KCTD5: variants seen among roughly 807,000 people sequenced by gnomAD.
KCTD5 encodes potassium channel tetramerization domain containing 5, also known as BTB/POZ domain-containing protein KCTD5.
A neutral mutation model predicts 27.9 loss-of-function variants in KCTD5; 12 were observed. The observed-to-expected ratio is 0.43, with a 90% confidence interval of 0.28 to 0.70. The LOEUF (loss-of-function observed/expected upper bound fraction) is 0.70, where lower values mean the gene tolerates loss of function less well. KCTD5 is among the 30% of genes least tolerant of loss of function. KCTD5 has a pLI of 0.19. For missense variants in KCTD5, 226 were observed against 274.8 expected (o/e 0.82, Z 1.26); for synonymous variants, 147 against 121.4 (o/e 1.21, Z -1.39).
At chr16:2,693,540 G>A (rs565808567) in intron 1 of KCTD5, among the ~76,000 whole-genome samples, 24 of 152,320 alleles carry the variant, frequency 1.6e-4, no homozygotes, top group South Asian at 1.2e-3. Context: ...GTGCCCTGCC[G>A]GCTCCTTGGA....
intron 1 of KCTD5, among the ~76,000 whole-genome samples, chr16:2,690,418 C>G (rs2067561020): frequency 6.6e-6 from 1 of 152,248 alleles, no homozygotes; most frequent in Non-Finnish European, 1.5e-5. Flanking sequence ...TGGGCCCACT[C>G]AATGCCAGCT....
At chr16:2,706,272 G>C (rs540466129) in intron 5 of KCTD5, among the ~76,000 whole-genome samples, 1 of 152,202 alleles carries the variant, frequency 6.6e-6, no homozygotes, top group Admixed American at 6.5e-5. Context: ...GCCTGGGGTG[G>C]CATGCACCTC....
chr16:2,708,143 AGTGCCTTGTCACGCCTGGC>A lies in KCTD5; in HGVS notation c.*817_*835del. On this transcript the variant is annotated 3_prime_UTR_variant, in exon 6 of 6. Transcript: ENST00000301738. ...GGCTCACGGGGAGCTGGCGTCTGTC[AGTGCCTTGTCACGCCTGGC>A]ATAGAGGTTGGGCTGGAGGCCTGTC... The A allele has an allele frequency of 2.0e-5, 3 of 152,712 alleles. No homozygotes were observed. Among genetic ancestry groups the A allele is most frequent in the Non-Finnish European group, 4.4e-5 (3 of 68,096 alleles). 9.5% of individuals were successfully genotyped at this position (152,712 alleles called of 1,614,324 possible). A position where few individuals can be genotyped will look rare whatever the true frequency, so the allele number is the denominator to read the frequency against.
chr16:2,682,641 G>T lies in KCTD5; in HGVS notation c.93G>T (p.Gly31=). Residue 31 remains glycine, a synonymous_variant, in exon 1 of 6, where the codon GGG becomes GGT. Transcript: ENST00000301738. ...GCCTGTGCCGCCGCTGCAGCGCTGG[G>T]CTCGGCGCCCTGGCCCAGCGCCCTG... ...GGGLCRRCSA[G]LGALAQRPGS... is the part of the protein sequence containing the mutation. 6.3e-7 allele frequency: 1 copy of T among 1,588,682 alleles called. No individual in the cohort carries two copies. Among genetic ancestry groups the T allele is most frequent in the Middle Eastern group, 1.7e-4 (1 of 5,930 alleles).
At chr16:2,699,535 G>A (rs1290631017) in intron 3 of KCTD5, among the ~76,000 whole-genome samples, 2 of 152,230 alleles carry the variant, frequency 1.3e-5, no homozygotes, top group South Asian at 2.1e-4. Context: ...CTCTCGTGTC[G>A]TCATGTCGAG....
intron 1 of KCTD5, chr16:2,683,542 TC>T (rs1309197266): frequency 1.3e-5 from 2 of 151,174 alleles, no homozygotes; most frequent in Non-Finnish European, 2.9e-5. Flanking sequence ...TTGCAGCTTG[TC>T]TTTCATCAAG....
intron 1 of KCTD5, among the ~76,000 whole-genome samples, chr16:2,689,527 G>A (rs1462297155): frequency 3.9e-5 from 5 of 129,802 alleles, no homozygotes; most frequent in Admixed American, 3.2e-4. Flanking sequence ...ACGTGTCTCC[G>A]AGCACCGGGA....
intron 4 of KCTD5, 33 bp downstream of exon 4, chr16:2,699,949 T>G (rs2067603825): frequency 5.1e-6 from 8 of 1,577,992 alleles, no homozygotes; most frequent in Non-Finnish European, 6.1e-6. Flanking sequence ...GTGGCAGCCA[T>G]GCTGCAGCTG....
Position 2,707,561 on chromosome 16 carries a change from G to A in KCTD5, c.*234G>A, listed in dbSNP as rs1043232652. ...GGCGGCCGGGTGGGCGCTGCCTCTT[G>A]GGGGGGCCTCGCTCTGTTTTTTCCA... is the stretch of plus-strand genomic sequence containing the variant. On this transcript the variant is annotated 3_prime_UTR_variant, in exon 6 of 6. Coordinates refer to ENST00000301738, the MANE Select transcript of KCTD5 (RefSeq NM_018992.4). 1 of 635,634 alleles carries A rather than the reference G, an allele frequency of 1.6e-6. No individual in the cohort carries two copies. Among genetic ancestry groups the A allele is most frequent in the Non-Finnish European group, 2.8e-6 (1 of 353,716 alleles). The allele number at this position is 635,634 out of a possible 1,614,324, so 39.4% of individuals were successfully genotyped here.
chr16:2,691,964 C>T (rs895929642), intron 1 of KCTD5, among the ~76,000 whole-genome samples: 5 of 152,202 alleles, frequency 3.3e-5, no homozygotes, highest in African/African-American at 1.2e-4. Context: ...AGGAAGGTTC[C>T]TGGGGCGTGC....
At chr16:2,698,924 A>G (rs538331235) in intron 3 of KCTD5, among the ~76,000 whole-genome samples, 22 of 152,184 alleles carry the variant, frequency 1.4e-4, no homozygotes, top group African/African-American at 4.8e-4. Flanking sequence ...GCCTCAGTCT[A>G]CCTACCTGTA....
rs756215690 is a variant in KCTD5 at position 2,682,618 on chromosome 16, C to T, written c.70C>T (p.Leu24=). 6.5e-7 allele frequency: 1 copy of T among 1,548,192 alleles called. No individual in the cohort carries two copies. Among genetic ancestry groups the T allele is most frequent in the Non-Finnish European group, 8.7e-7 (1 of 1,152,248 alleles). The change falls in exon 1 of 6, where the codon CTG becomes TTG. Residue 24 remains leucine (L), a synonymous_variant. Transcript: ENST00000301738. ...CATCGGGGCGGGGCTGGGGGGCGGC[C>T]TGTGCCGCCGCTGCAGCGCTGGGCT... ...GGIGAGLGGG[L]CRRCSAGLGA...
At chr16:2,701,468 G>A (rs1167531685) in intron 4 of KCTD5, among the ~76,000 whole-genome samples, 2 of 152,196 alleles carry the variant, frequency 1.3e-5, no homozygotes, top group Non-Finnish European at 2.9e-5. Flanking sequence ...GCTCCGGGGG[G>A]CATGGCCGTG....
At chr16:2,700,075 T>C (rs2067604243) in intron 4 of KCTD5, among the ~76,000 whole-genome samples, 159 bp downstream of exon 4, 1 of 152,230 alleles carries the variant, frequency 6.6e-6, no homozygotes. Flanking sequence ...CTGTTTCCAC[T>C]GGAGGAGCCT....
chr16:2,708,549 G>C lies in KCTD5; in HGVS notation c.*1222G>C, dbSNP rs1220577780. On this transcript the variant is annotated 3_prime_UTR_variant, in exon 6 of 6. Transcript: ENST00000301738. ...TGTGCAGACTGACCACCGGCCTCCC[G>C]CCTGCAGGTCAGAGGCTCTGACACT... The C allele has an allele frequency of 6.6e-6, 1 of 152,284 alleles. No homozygotes were observed. Among genetic ancestry groups the C allele is most frequent in the Non-Finnish European group, 1.5e-5 (1 of 68,064 alleles). 9.4% of individuals were successfully genotyped at this position (152,284 alleles called of 1,614,324 possible). A position where few individuals can be genotyped will look rare whatever the true frequency, so the allele number is the denominator to read the frequency against.
chr16:2,693,880 G>A (rs2067577906), intron 1 of KCTD5, among the ~76,000 whole-genome samples: 1 of 148,482 alleles, frequency 6.7e-6, no homozygotes, highest in Non-Finnish European at 1.5e-5. Flanking sequence ...GCCTGGCTGT[G>A]AGCCTGCAGT....
chr16:2,687,074 G>T (rs2067542621), intron 1 of KCTD5, among the ~76,000 whole-genome samples: 1 of 152,198 alleles, frequency 6.6e-6, no homozygotes, highest in South Asian at 2.1e-4. Flanking sequence ...GGTCCCTGCG[G>T]TGCTGGGGGC....
chr16:2,698,242 C>T (rs188468097), intron 3 of KCTD5, among the ~76,000 whole-genome samples: 2 of 152,306 alleles, frequency 1.3e-5, no homozygotes, highest in African/African-American at 4.8e-5. Flanking sequence ...AAGGATGGCT[C>T]TGAGGAAGTT....
chr16:2,695,411 C>G (rs1408603919), intron 1 of KCTD5, among the ~76,000 whole-genome samples: 1 of 126,536 alleles, frequency 7.9e-6, no homozygotes, highest in Non-Finnish European at 1.9e-5. Flanking sequence ...GGGCAGCCGC[C>G]CCTGCTGAAA....
Sources: allele counts gnomAD v4.1 joint callset (sites outside exome capture counted in the v4.1 genomes callset), GRCh38; gene constraint gnomAD v4.1.1; transcripts MANE v1.5; gene names NCBI Gene and HGNC (gene_info 2026-07-23, HGNC 2026-07-21).